Variants in TLN2 observed in about 807,000 individuals in gnomAD.
TLN2 encodes talin-2.
Under a neutral mutation model 294.7 loss-of-function variants are expected in TLN2, and 118 were observed. The ratio of observed to expected loss-of-function variants is 0.40; its 90% CI spans 0.34 to 0.47. The LOEUF (loss-of-function observed/expected upper bound fraction) is 0.47. TLN2 is among the 20% of genes least tolerant of loss of function. The probability of loss-of-function intolerance (pLI) is 0.84; values close to 1 mark genes in which losing one functional copy is unlikely to be tolerated. For missense variants in TLN2, 3,083 were observed against 3,282.2 expected, an observed-to-expected ratio of 0.94 and a Z score of 1.48; for synonymous variants, 1,431 against 1,304.5, an observed-to-expected ratio of 1.10 and a Z score of -2.09.
intron 2 of TLN2, among the ~76,000 whole-genome samples, chr15:62,591,214 C>A (rs897021928): frequency 3.3e-5 from 5 of 152,136 alleles, no homozygotes; most frequent in Non-Finnish European, 7.4e-5. Flanking sequence ...ATGTATTTAG[C>A]ATTATGAAAA....
chr15:62,493,349 G>A (rs927724827), intron 1 of TLN2, among the ~76,000 whole-genome samples: 2 of 152,126 alleles, frequency 1.3e-5, no homozygotes, highest in Non-Finnish European at 2.9e-5. Context: ...GTTTCCTCAC[G>A]TGTCAAACAC....
At chr15:62,714,646 T>A (rs1333279561) in intron 22 of TLN2, among the ~76,000 whole-genome samples, 1 of 152,244 alleles carries the variant, frequency 6.6e-6, no homozygotes, top group Admixed American at 6.5e-5. Context: ...TAAATTCTTT[T>A]AACTTTTAGT....
intron 19 of TLN2, 115 bp from the exon 20 acceptor site, chr15:62,706,971 A>G: frequency 3.9e-6 from 5 of 1,291,386 alleles, no homozygotes; most frequent in Non-Finnish European, 5.1e-6. Flanking sequence ...AAGTAAAAAA[A>G]CTTCTAAAGT....
intron 1 of TLN2, among the ~76,000 whole-genome samples, chr15:62,396,816 T>A (rs2032587373): frequency 6.6e-6 from 1 of 152,128 alleles, no homozygotes; most frequent in Non-Finnish European, 1.5e-5. Context: ...GCAATTCTCA[T>A]GCCTCAGCCT....
At chr15:62,468,415 C>T (rs1352726865) in intron 1 of TLN2, among the ~76,000 whole-genome samples, 1 of 152,162 alleles carries the variant, frequency 6.6e-6, no homozygotes, top group East Asian at 1.9e-4. Flanking sequence ...GACACTCCAG[C>T]CAGTCAGTTT....
intron 11 of TLN2, among the ~76,000 whole-genome samples, chr15:62,682,690 T>G (rs533161798): frequency 6.0e-4 from 91 of 152,306 alleles, no homozygotes; most frequent in African/African-American, 2.1e-3. Flanking sequence ...CATTCTTCCT[T>G]CTTTCATTGC....
chr15:62,823,182 A>G (rs139152349), intron 54 of TLN2, among the ~76,000 whole-genome samples: 3 of 152,318 alleles, frequency 2.0e-5, no homozygotes, highest in East Asian at 3.9e-4. Flanking sequence ...ATGCTTCACA[A>G]TGGTCTGAAG....
At chr15:62,839,131 A>G (rs769665431) in intron 58 of TLN2, 150 bp downstream of exon 58, 117 of 1,197,618 alleles carry the variant, frequency 9.8e-5, no homozygotes, top group Middle Eastern at 2.9e-4. Context: ...TGAGAGCCAG[A>G]TCCATCTGCC....
chr15:62,588,679 T>C (rs1427453050), intron 1 of TLN2, among the ~76,000 whole-genome samples: 21 of 109,370 alleles, frequency 1.9e-4, no homozygotes, highest in Non-Finnish European at 3.0e-4. Flanking sequence ...TATATATATA[T>C]ATATATATAT....
At chr15:62,791,488 C>T (rs1176460755) in intron 45 of TLN2, among the ~76,000 whole-genome samples, 1 of 152,088 alleles carries the variant, frequency 6.6e-6, no homozygotes, top group Non-Finnish European at 1.5e-5. Context: ...AGTTTTTTCC[C>T]TAAAAACAGT....
intron 1 of TLN2, among the ~76,000 whole-genome samples, chr15:62,510,849 CAGTTACGTGCTATAGAGTGAT>C (rs2039894650): frequency 1.3e-5 from 2 of 152,222 alleles, no homozygotes; most frequent in African/African-American, 4.8e-5. Flanking sequence ...CCAGAGAATC[CAGTTACGTGCTATAGAGTGAT>C]ACCACATGCT....
Position 62,838,690 on chromosome 15 carries a change from A to G in TLN2, c.7375-166A>G, listed in dbSNP as rs189282669. On this transcript the variant is annotated intron_variant, in intron 57 of 58. Transcript: ENST00000636159. ...GTAGGTTCCAGTGTTGGCAGAATCCACGGATGGATGGACAGACAGATGGGT... is the reference window on the plus strand; with the variant it reads ...GTAGGTTCCAGTGTTGGCAGAATCCGCGGATGGATGGACAGACAGATGGGT... Among the ~76,000 whole-genome samples, 278 of 148,732 alleles carry G rather than the reference A, an allele frequency of 1.9e-3. 1 individual carries two copies. Among genetic ancestry groups the G allele is most frequent in the East Asian group, 5.8e-4 (3 of 5,192 alleles).
intron 2 of TLN2, among the ~76,000 whole-genome samples, chr15:62,601,899 C>T (rs1172064497): frequency 6.6e-6 from 1 of 152,044 alleles, no homozygotes. Flanking sequence ...CCATATTTGG[C>T]CAGTGGAATC....
At position 62,840,638 on chromosome 15, in the gene TLN2, G is replaced by A; in HGVS notation, c.*28G>A. On this transcript the variant is annotated 3_prime_UTR_variant, in exon 59 of 59. Transcript: ENST00000636159. ...GTGCGAGCCCAGATGGCGAGCCCCA[G>A]GGGATGGCCCTGGCTGAACTGGACA... 1 of 1,610,576 alleles carries A rather than the reference G, an allele frequency of 6.2e-7. No individual in the cohort carries two copies. Among genetic ancestry groups the A allele is most frequent in the Non-Finnish European group, 8.5e-7 (1 of 1,178,248 alleles).
chr15:62,482,972 G>A (rs1471802452), intron 1 of TLN2, among the ~76,000 whole-genome samples: 11 of 152,172 alleles, frequency 7.2e-5, no homozygotes, highest in African/African-American at 2.7e-4. Context: ...CCCTTCTTGT[G>A]GAGGTGTGAA....
chr15:62,489,257 T>A (rs1040518085), intron 1 of TLN2, among the ~76,000 whole-genome samples: 2 of 152,210 alleles, frequency 1.3e-5, no homozygotes, highest in Non-Finnish European at 2.9e-5. Flanking sequence ...TTCTTCACTT[T>A]TTCTAAAACA....
chr15:62,610,643 A>G (rs977875990), intron 2 of TLN2, among the ~76,000 whole-genome samples: 7 of 152,250 alleles, frequency 4.6e-5, no homozygotes, highest in Non-Finnish European at 1.0e-4. Flanking sequence ...GGAGACGTTT[A>G]GGAGACTGAA....
At chr15:62,479,988 C>T (rs796162283) in intron 1 of TLN2, among the ~76,000 whole-genome samples, 43 of 152,288 alleles carry the variant, frequency 2.8e-4, no homozygotes, top group African/African-American at 1.0e-3. Context: ...TTGAGCAGAC[C>T]CAGGAGTGGT....
At chr15:62,607,490 G>C (rs1168402240) in intron 2 of TLN2, among the ~76,000 whole-genome samples, 1 of 152,180 alleles carries the variant, frequency 6.6e-6, no homozygotes, top group East Asian at 1.9e-4. Context: ...GACAGTAGTT[G>C]GGAGCATATT....
Sources: allele counts gnomAD v4.1 joint callset (sites outside exome capture counted in the v4.1 genomes callset), GRCh38; gene constraint gnomAD v4.1.1; transcripts MANE v1.5; gene names NCBI Gene and HGNC (gene_info 2026-07-23, HGNC 2026-07-21).